The following SHISA9 variants were observed in gnomAD, a reference collection of about 807,000 sequenced individuals.
SHISA9 encodes shisa family member 9, also known as protein shisa-9.
In SHISA9, 13 loss-of-function variants were observed where a neutral mutation model predicts 38.0. The observed-to-expected ratio is 0.34, with a 90% CI of 0.22 to 0.54. SHISA9 has a LOEUF of 0.54. SHISA9 is among the 20% of genes least tolerant of loss of function. The pLI, the probability that SHISA9 is intolerant of heterozygous loss-of-function variation, is 0.91. For synonymous variants in SHISA9, 275 were observed against 242.0 expected (o/e 1.14, Z -1.27); for missense variants, 538 against 575.8 (o/e 0.93, Z 0.67).
intron 3 of SHISA9, chr16:13,204,910 A>C (rs2051048885): frequency 6.6e-6 from 1 of 152,218 alleles, no homozygotes; most frequent in Non-Finnish European, 1.5e-5. Flanking sequence ...TTCATTCTTC[A>C]ATTTAAACAT....
chr16:13,146,188 C>G (rs190413859), intron 2 of SHISA9, among the ~76,000 whole-genome samples: 1 of 152,030 alleles, frequency 6.6e-6, no homozygotes, highest in Non-Finnish European at 1.5e-5. Flanking sequence ...AGTGAGACTC[C>G]GTCTCAATGA....
At chr16:13,079,392 T>G (rs571448510) in intron 2 of SHISA9, among the ~76,000 whole-genome samples, 34 of 152,306 alleles carry the variant, frequency 2.2e-4, no homozygotes, top group African/African-American at 7.0e-4. Context: ...TCATAAGCTT[T>G]TACTATATAT....
the SHISA9 span, among the ~76,000 whole-genome samples, chr16:13,328,946 C>G: frequency 2.0e-5 from 3 of 152,140 alleles, no homozygotes; most frequent in Non-Finnish European, 2.9e-5. Context: ...TAAAATTGAG[C>G]TGCAGACATA....
At chr16:13,115,437 T>C (rs13329912) in intron 2 of SHISA9, among the ~76,000 whole-genome samples, 3 of 152,252 alleles carry the variant, frequency 2.0e-5, no homozygotes, top group African/African-American at 7.2e-5. Context: ...GCCGAATTAA[T>C]TGCAGCAGGA....
chr16:13,299,569 C>G, the SHISA9 span, among the ~76,000 whole-genome samples: 2 of 151,970 alleles, frequency 1.3e-5, no homozygotes, highest in African/African-American at 4.8e-5. Context: ...CAAAAATTAG[C>G]CGGGTGTGGT....
At chr16:13,536,142 G>C in the SHISA9 span, among the ~76,000 whole-genome samples, 2 of 152,058 alleles carry the variant, frequency 1.3e-5, no homozygotes, top group African/African-American at 2.4e-5. Flanking sequence ...GGTACTACAG[G>C]CACGTGCCAC....
chr16:13,206,296 A>G lies in SHISA9; in HGVS notation c.847+2747A>G, dbSNP rs976286842. Among the ~76,000 whole-genome samples the G allele has an allele frequency of 5.9e-5, 9 of 152,234 alleles. No homozygotes were observed. The East Asian group carries it at 1.7e-3, about 29-fold the overall frequency. ...GCAGGCAGAAAACCCCACAAACCAT[A>G]TACTTTCTTTTATTATCAACTGTTC... On this transcript the variant is annotated intron_variant, in intron 3 of 4. Coordinates refer to ENST00000558583, the MANE Select transcript of SHISA9 (RefSeq NM_001145204.3).
intron 4 of SHISA9, among the ~76,000 whole-genome samples, chr16:13,214,778 T>C (rs2051151634): frequency 6.6e-6 from 1 of 152,022 alleles, no homozygotes; most frequent in African/African-American, 2.4e-5. Context: ...TTTAAAACCA[T>C]CCGATCTTGT....
chr16:13,458,997 C>T, the SHISA9 span, among the ~76,000 whole-genome samples: 1 of 151,796 alleles, frequency 6.6e-6, no homozygotes, highest in South Asian at 2.1e-4. Flanking sequence ...CCTCCCAAGG[C>T]ATGCACCACC....
the SHISA9 span, among the ~76,000 whole-genome samples, chr16:13,318,178 C>A: frequency 6.6e-6 from 1 of 152,128 alleles, no homozygotes. Context: ...GGTTTCCCAA[C>A]CTCATACTAT....
chr16:13,137,580 C>T (rs557461073), intron 2 of SHISA9, among the ~76,000 whole-genome samples: 87 of 151,808 alleles, frequency 5.7e-4, no homozygotes, highest in Middle Eastern at 3.4e-3. Context: ...CTCAGCCTCT[C>T]GAATAGCTGG....
intron 2 of SHISA9, among the ~76,000 whole-genome samples, chr16:13,092,760 C>T (rs1208200019): frequency 6.6e-6 from 1 of 152,180 alleles, no homozygotes; most frequent in East Asian, 1.9e-4. Flanking sequence ...GGAAATCCCC[C>T]AACCCCTTGT....
chr16:12,916,399 T>C (rs2071257606), intron 1 of SHISA9, among the ~76,000 whole-genome samples: 1 of 152,178 alleles, frequency 6.6e-6, no homozygotes, highest in Non-Finnish European at 1.5e-5. Flanking sequence ...TGCAGACACA[T>C]TATATGTATT....
chr16:13,553,756 C>T, the SHISA9 span, among the ~76,000 whole-genome samples: 3 of 152,212 alleles, frequency 2.0e-5, no homozygotes, highest in Non-Finnish European at 4.4e-5. Context: ...ACCATCCCTT[C>T]GCTGTGAATC....
Position 13,139,402 on chromosome 16 carries a change from C to CTTCCTTCCTTCT in SHISA9, c.692-63981_692-63980insTTTCCTTCCTTC, listed in dbSNP as rs1261666482. ...CGTCCCTCCCTTCCTTCTTTCCTTC[C>CTTCCTTCCTTCT]TTCCTTCCTTCCTTCCTTCCTTCCT... is the stretch of plus-strand genomic sequence containing the variant. On this transcript the variant is annotated intron_variant, in intron 2 of 4. Transcript: ENST00000558583. 9.1e-3 allele frequency among the ~76,000 whole-genome samples: 1,067 copies of CTTCCTTCCTTCT among 116,746 alleles called. 13 individuals are homozygous for CTTCCTTCCTTCT. The highest frequency in any genetic ancestry group is 0.018 in the African/African-American group (498 of 27,800). 76.6% of individuals were successfully genotyped at this position (116,746 alleles called of 152,430 possible).
chr16:13,476,457 G>A, the SHISA9 span, among the ~76,000 whole-genome samples: 1 of 152,136 alleles, frequency 6.6e-6, no homozygotes, highest in Admixed American at 6.5e-5. Flanking sequence ...CCCAGTGATT[G>A]GCTTTCTGTA....
chr16:13,068,870 T>TATGTGC (rs1555458967), intron 2 of SHISA9, among the ~76,000 whole-genome samples: 10,388 of 152,074 alleles, frequency 0.068, 752 homozygotes, highest in African/African-American at 0.18. Context: ...ATGCAATGTG[T>TATGTGC]GTATGTGTAT....
chr16:13,280,394 A>G, the SHISA9 span, among the ~76,000 whole-genome samples: 1 of 151,480 alleles, frequency 6.6e-6, no homozygotes, highest in East Asian at 1.9e-4. Flanking sequence ...TAGTCTATTG[A>G]TTTTAGATAT....
the SHISA9 span, among the ~76,000 whole-genome samples, chr16:13,391,713 C>G: frequency 6.6e-6 from 1 of 152,128 alleles, no homozygotes; most frequent in African/African-American, 2.4e-5. Context: ...CAGGTGACTC[C>G]ATTGTGCAGC....
Sources: allele counts gnomAD v4.1 joint callset (sites outside exome capture counted in the v4.1 genomes callset), GRCh38; gene constraint gnomAD v4.1.1; transcripts MANE v1.5; gene names NCBI Gene and HGNC (gene_info 2026-07-23, HGNC 2026-07-21).